The following MAP7 variants were observed in gnomAD, a reference collection of about 807,000 sequenced individuals.
The protein encoded by MAP7 is microtubule associated protein 7, also known as ensconsin.
In MAP7, 52 loss-of-function variants were observed where a neutral mutation model predicts 94.8. The observed-to-expected ratio is 0.55, with a 90% confidence interval of 0.44 to 0.69. The LOEUF (loss-of-function observed/expected upper bound fraction) is 0.69, where lower values mean the gene tolerates loss of function less well. Ranked by LOEUF, MAP7 falls within the 30% of genes least tolerant of loss-of-function variation. MAP7 has a pLI of 0.00. For missense variants in MAP7, 940 were observed against 964.6 expected (o/e 0.97, Z 0.34); for synonymous variants, 350 against 357.0 (o/e 0.98, Z 0.22).
At chr6:136,437,571 G>A (rs1020473857) in intron 1 of MAP7, among the ~76,000 whole-genome samples, 23 of 152,044 alleles carry the variant, frequency 1.5e-4, no homozygotes, top group African/African-American at 5.3e-4. Flanking sequence ...TCAATCTGAG[G>A]TCACTTAGCT....
chr6:136,493,191 C>T (rs1368642580), intron 1 of MAP7, among the ~76,000 whole-genome samples: 1 of 147,624 alleles, frequency 6.8e-6, no homozygotes, highest in Non-Finnish European at 1.5e-5. Context: ...TGGCACGATC[C>T]GGCTCACGGC....
chr6:136,367,455 T>C (rs760145207), intron 8 of MAP7, among the ~76,000 whole-genome samples: 4 of 152,172 alleles, frequency 2.6e-5, no homozygotes, highest in Non-Finnish European at 5.9e-5. Flanking sequence ...TCTGCCTGGC[T>C]CAAGCATCGA....
chr6:136,488,521 T>C (rs1815502362), intron 1 of MAP7, among the ~76,000 whole-genome samples: 1 of 150,798 alleles, frequency 6.6e-6, no homozygotes, highest in Non-Finnish European at 1.5e-5. Context: ...CTTGGCTCAC[T>C]GCAACCTCCG....
intron 1 of MAP7, among the ~76,000 whole-genome samples, chr6:136,509,796 G>A (rs186023404): frequency 1.3e-5 from 2 of 152,280 alleles, no homozygotes; most frequent in African/African-American, 4.8e-5. Context: ...GGCTCAAGAG[G>A]TCCTCCTGCC....
intron 1 of MAP7, among the ~76,000 whole-genome samples, chr6:136,456,139 C>T (rs566474254): frequency 6.6e-6 from 1 of 152,286 alleles, no homozygotes; most frequent in East Asian, 1.9e-4. Context: ...CCCAAGTGTA[C>T]ATACATGATG....
intron 1 of MAP7, among the ~76,000 whole-genome samples, chr6:136,546,036 A>G (rs1014920230): frequency 6.6e-6 from 1 of 152,120 alleles, no homozygotes; most frequent in African/African-American, 2.4e-5. Context: ...TTTTTGAGAC[A>G]TGGTCTCGCT....
At chr6:136,395,713 T>C (rs1782272704) in intron 3 of MAP7, among the ~76,000 whole-genome samples, 1 of 152,150 alleles carries the variant, frequency 6.6e-6, no homozygotes, top group South Asian at 2.1e-4. Context: ...CTTTAATCCA[T>C]TTTGAGTTGA....
At chr6:136,387,917 C>T (rs1171578127) in intron 5 of MAP7, among the ~76,000 whole-genome samples, 1 of 152,126 alleles carries the variant, frequency 6.6e-6, no homozygotes, top group Non-Finnish European at 1.5e-5. Context: ...TAGTCATTTA[C>T]TATTTCTAGC....
intron 1 of MAP7, among the ~76,000 whole-genome samples, chr6:136,493,860 T>C (rs528478904): frequency 5.3e-5 from 8 of 152,326 alleles, no homozygotes; most frequent in East Asian, 3.9e-4. Flanking sequence ...TAGTACTCTA[T>C]AGCAAGGCAA....
At chr6:136,506,883 CAT>C (rs1210597849) in intron 1 of MAP7, among the ~76,000 whole-genome samples, 1 of 152,206 alleles carries the variant, frequency 6.6e-6, no homozygotes, top group Non-Finnish European at 1.5e-5. Context: ...TTCAATCACT[CAT>C]AGACTGCTGA....
intron 1 of MAP7, among the ~76,000 whole-genome samples, chr6:136,439,434 A>C (rs1255980098): frequency 6.6e-6 from 1 of 152,170 alleles, no homozygotes; most frequent in Non-Finnish European, 1.5e-5. Flanking sequence ...TCAAGAAAAT[A>C]AAGTTATGTT....
intron 1 of MAP7, among the ~76,000 whole-genome samples, chr6:136,522,268 T>C (rs1412423289): frequency 6.6e-6 from 1 of 152,122 alleles, no homozygotes; most frequent in Non-Finnish European, 1.5e-5. Flanking sequence ...CCAGTGATTA[T>C]TTAATTACTG....
intron 5 of MAP7, among the ~76,000 whole-genome samples, chr6:136,384,812 A>AG (rs1490075509): frequency 6.6e-6 from 1 of 152,192 alleles, no homozygotes; most frequent in Non-Finnish European, 1.5e-5. Flanking sequence ...AGTTCAAATC[A>AG]GAAGGGAAAT....
intron 1 of MAP7, chr6:136,526,535 C>G (rs2129054145): frequency 1.0e-6 from 1 of 985,554 alleles, no homozygotes; most frequent in Non-Finnish European, 1.2e-6. Context: ...CCCAGAGCGG[C>G]TCCATCTCCC....
At chr6:136,483,765 T>C (rs1485724413) in intron 1 of MAP7, among the ~76,000 whole-genome samples, 1 of 152,236 alleles carries the variant, frequency 6.6e-6, no homozygotes. Flanking sequence ...ACCTACTCCC[T>C]TCTCCATTTC....
At chr6:136,535,884 T>C (rs1828842871) in intron 1 of MAP7, among the ~76,000 whole-genome samples, 1 of 152,070 alleles carries the variant, frequency 6.6e-6, no homozygotes, top group Non-Finnish European at 1.5e-5. Context: ...CTCCTAATGC[T>C]ATCCCTCCCC....
chr6:136,438,961 C>T (rs1175920577), intron 1 of MAP7, among the ~76,000 whole-genome samples: 5 of 152,118 alleles, frequency 3.3e-5, no homozygotes, highest in Non-Finnish European at 1.5e-5. Context: ...ATTCAGGCTA[C>T]AGAATACAGG....
Position 136,361,093 on chromosome 6 carries a change from T to C in MAP7, c.1613A>G (p.Gln538Arg), listed in dbSNP as rs755101222. 6.2e-7 allele frequency: 1 copy of C among 1,604,850 alleles called. No homozygotes were observed. The highest frequency in any genetic ancestry group is 1.1e-5 in the South Asian group (1 of 90,968). The change falls in exon 12 of 18, where the codon CAG (glutamine) becomes CGG (arginine). Residue 538 changes from glutamine to arginine, a missense_variant. By Grantham distance (43) the Gln-to-Arg change is conservative (BLOSUM62 1). Coordinates refer to ENST00000354570, the MANE Select transcript of MAP7 (RefSeq NM_003980.6). ...CAGCTGCTCCTCCTTCTCCCGGGCCTGCTCGGCTTCCAGCCTGCGCGACTC... is the reference window on the plus strand; with the variant it reads ...CAGCTGCTCCTCCTTCTCCCGGGCCCGCTCGGCTTCCAGCCTGCGCGACTC... ...EEESRRLEAEQAREKEEQLQR... is the reference protein window; with the variant it reads ...EEESRRLEAERAREKEEQLQR...
intron 4 of MAP7, among the ~76,000 whole-genome samples, chr6:136,389,075 G>A (rs1779957559): frequency 6.6e-6 from 1 of 152,142 alleles, no homozygotes; most frequent in South Asian, 2.1e-4. Context: ...CAATTACTTG[G>A]AGTGGTCTTA....
Sources: allele counts gnomAD v4.1 joint callset (sites outside exome capture counted in the v4.1 genomes callset), GRCh38; gene constraint gnomAD v4.1.1; transcripts MANE v1.5; gene names NCBI Gene and HGNC (gene_info 2026-07-23, HGNC 2026-07-21).